The following DOK6 variants were observed in gnomAD, a reference collection of about 807,000 sequenced individuals.
DOK6 encodes the protein docking protein 6.
Under a neutral mutation model 44.0 loss-of-function variants are expected in DOK6, and 22 were observed. That is an observed-to-expected ratio of 0.50 (90% CI 0.36 to 0.71). DOK6 has a LOEUF of 0.71. Among genes scored for constraint, DOK6 ranks in the 30% least tolerant of loss-of-function variants. The probability of loss-of-function intolerance (pLI) is 0.00; values close to 1 mark genes in which losing one functional copy is unlikely to be tolerated. For missense variants in DOK6, 340 were observed against 416.4 expected, an observed-to-expected ratio of 0.82 and a Z score of 1.60; for synonymous variants, 166 against 145.5, an observed-to-expected ratio of 1.14 and a Z score of -1.01.
intron 2 of DOK6, among the ~76,000 whole-genome samples, chr18:69,578,564 G>A (rs1983292014): frequency 6.6e-6 from 1 of 152,102 alleles, no homozygotes; most frequent in Non-Finnish European, 1.5e-5. Context: ...ATCATTTCTG[G>A]AGCATTTTTG....
At chr18:69,579,345 T>C (rs1307388401) in intron 2 of DOK6, among the ~76,000 whole-genome samples, 7 of 152,226 alleles carry the variant, frequency 4.6e-5, no homozygotes, top group Admixed American at 4.6e-4. Flanking sequence ...ATCAAGTTAA[T>C]CATATTTGGA....
chr18:69,783,332 A>C (rs1021635967), intron 7 of DOK6, among the ~76,000 whole-genome samples: 2 of 152,256 alleles, frequency 1.3e-5, no homozygotes, highest in Non-Finnish European at 2.9e-5. Flanking sequence ...CCAGATGTGA[A>C]GATTTAGCAT....
chr18:69,510,247 A>C (rs1981328061), intron 1 of DOK6, among the ~76,000 whole-genome samples: 1 of 152,222 alleles, frequency 6.6e-6, no homozygotes, highest in Non-Finnish European at 1.5e-5. Flanking sequence ...ATTGCATTTA[A>C]TTCTTCATTA....
chr18:69,565,871 G>T (rs1366832623), intron 2 of DOK6, among the ~76,000 whole-genome samples: 2 of 152,092 alleles, frequency 1.3e-5, no homozygotes, highest in African/African-American at 4.8e-5. Flanking sequence ...GCAATTATTT[G>T]AATTCTAAAG....
At position 69,844,184 on chromosome 18, in the gene DOK6, T is replaced by G. The variant is rs930502607; in HGVS notation, c.*2801T>G. On this transcript the variant is annotated 3_prime_UTR_variant, in exon 8 of 8. Transcript: ENST00000382713. ...TCATTTCTCCCTTCAAAAATTGTAT[T>G]ATATCTTTAATATATGTGTATTTTT... The G allele has an allele frequency of 6.6e-6, 1 of 152,348 alleles. No homozygotes were observed. Among genetic ancestry groups the G allele is most frequent in the Admixed American group, 6.5e-5 (1 of 15,312 alleles). The allele number at this position is 152,348 out of a possible 1,614,324, so 9.4% of individuals were successfully genotyped here.
Position 69,427,003 on chromosome 18 carries a change from A to G in DOK6, c.66+25693A>G, listed in dbSNP as rs563373564. ...GATCCTCTCTCCCCTTCCATCCTCTACCCTCCAAAAGGTGCTAGTGTGTGT... is the reference window on the plus strand; with the variant it reads ...GATCCTCTCTCCCCTTCCATCCTCTGCCCTCCAAAAGGTGCTAGTGTGTGT... On this transcript the variant is annotated intron_variant, in intron 1 of 7. Coordinates refer to ENST00000382713, the MANE Select transcript of DOK6 (RefSeq NM_152721.6). 3.9e-5 allele frequency among the ~76,000 whole-genome samples: 4 copies of G among 101,902 alleles called. No individual in the cohort carries two copies. In the South Asian group the frequency reaches 1.8e-3, roughly 46 times the overall value. 66.9% of individuals were successfully genotyped at this position (101,902 alleles called of 152,430 possible).
intron 2 of DOK6, among the ~76,000 whole-genome samples, chr18:69,587,091 C>G (rs1273499439): frequency 2.0e-5 from 3 of 152,136 alleles, no homozygotes; most frequent in Non-Finnish European, 4.4e-5. Flanking sequence ...ATAACTAACT[C>G]TAATACAGAC....
At chr18:69,456,697 C>G (rs550486362) in intron 1 of DOK6, among the ~76,000 whole-genome samples, 1 of 152,240 alleles carries the variant, frequency 6.6e-6, no homozygotes, top group South Asian at 2.1e-4. Flanking sequence ...AATGGTAGCT[C>G]CATTTTAAGT....
At chr18:69,423,276 T>C (rs1291739914) in intron 1 of DOK6, among the ~76,000 whole-genome samples, 1 of 149,810 alleles carries the variant, frequency 6.7e-6, no homozygotes, top group Non-Finnish European at 1.5e-5. Context: ...TACTCCAGCA[T>C]GGACAACAGA....
intron 4 of DOK6, among the ~76,000 whole-genome samples, chr18:69,692,029 A>G (rs1393646601): frequency 6.6e-6 from 1 of 152,178 alleles, no homozygotes; most frequent in Non-Finnish European, 1.5e-5. Context: ...GTAACTATTT[A>G]GAAGGAATTT....
At chr18:69,762,332 C>G (rs1979587300) in intron 7 of DOK6, among the ~76,000 whole-genome samples, 1 of 152,122 alleles carries the variant, frequency 6.6e-6, no homozygotes, top group Admixed American at 6.5e-5. Context: ...AACAGTAAGA[C>G]CCTGTCTTAA....
chr18:69,647,923 T>G (rs9636064), intron 3 of DOK6, among the ~76,000 whole-genome samples: 49,875 of 151,994 alleles, frequency 0.33, 9,220 homozygotes, highest in Non-Finnish European at 0.42. Flanking sequence ...TAGTGAAGGC[T>G]GCAGTTTTAG....
rs557642064 is a variant in DOK6, at chr18:69,579,027, G to T, written c.174+14433G>T. Among the ~76,000 whole-genome samples the T allele has an allele frequency of 2.9e-4, 44 of 152,148 alleles. No homozygotes were observed. In the South Asian group the frequency reaches 6.0e-3, roughly 21 times the overall value. On this transcript the variant is annotated intron_variant, in intron 2 of 7. Transcript: ENST00000382713. ...ATTGACCTTTGAAGTATCTTAATTT[G>T]CAGACTGAGAAAAAACACTAAACTA...
chr18:69,531,258 ACATATATATATATAATATATTATAT>A (rs1407508910), intron 1 of DOK6, among the ~76,000 whole-genome samples: 1 of 146,708 alleles, frequency 6.8e-6, no homozygotes, highest in East Asian at 1.9e-4. Context: ...ATATATACTT[ACATATATATATATAATATATTATAT>A]GTTATATATT....
At chr18:69,786,481 T>C (rs1980434084) in intron 7 of DOK6, among the ~76,000 whole-genome samples, 1 of 152,210 alleles carries the variant, frequency 6.6e-6, no homozygotes. Flanking sequence ...AGAGTTGAAA[T>C]AACGGTAATG....
chr18:69,500,168 C>T (rs950521827), intron 1 of DOK6, among the ~76,000 whole-genome samples: 2 of 152,138 alleles, frequency 1.3e-5, no homozygotes, highest in African/African-American at 4.8e-5. Flanking sequence ...CCCATAATTG[C>T]TGTCAGTCTA....
intron 7 of DOK6, among the ~76,000 whole-genome samples, chr18:69,777,080 C>T (rs1053043601): frequency 1.3e-5 from 2 of 150,312 alleles, no homozygotes; most frequent in Non-Finnish European, 3.0e-5. Context: ...CAGCATGGCA[C>T]ATGTATACGT....
chr18:69,473,557 T>C (rs546933384), intron 1 of DOK6, among the ~76,000 whole-genome samples: 14 of 152,300 alleles, frequency 9.2e-5, no homozygotes, highest in Non-Finnish European at 1.8e-4. Context: ...GTATTTTCTG[T>C]CTGGAGTCTG....
chr18:69,589,444 A>G (rs1599208879), intron 2 of DOK6, among the ~76,000 whole-genome samples: 1 of 141,276 alleles, frequency 7.1e-6, no homozygotes, highest in Non-Finnish European at 1.6e-5. Flanking sequence ...AGTAAAATTT[A>G]TGTTCTAATT....
Sources: allele counts gnomAD v4.1 joint callset (sites outside exome capture counted in the v4.1 genomes callset), GRCh38; gene constraint gnomAD v4.1.1; transcripts MANE v1.5; gene names NCBI Gene and HGNC (gene_info 2026-07-23, HGNC 2026-07-21).